Variants in SLC29A3 observed in about 807,000 individuals in gnomAD.
The protein encoded by SLC29A3 is equilibrative nucleoside transporter 3.
In SLC29A3, 18 loss-of-function variants were observed where a neutral mutation model predicts 25.4. The observed-to-expected ratio is 0.71, with a 90% CI of 0.49 to 1.05. The LOEUF is 1.05. Among genes scored for constraint, SLC29A3 ranks in the 50% least tolerant of loss-of-function variants. The pLI is 0.00. For missense variants in SLC29A3, 586 were observed against 609.0 expected (o/e 0.96, Z 0.40); for synonymous variants, 258 against 267.1 (o/e 0.97, Z 0.33).
At chr10:71,332,040 C>A (rs561765356) in intron 2 of SLC29A3, among the ~76,000 whole-genome samples, 1 of 152,034 alleles carries the variant, frequency 6.6e-6, no homozygotes, top group African/African-American at 2.4e-5. Flanking sequence ...CCTGCAGAAC[C>A]GTTTTAGTGC....
chr10:71,334,209 C>T (rs1262840741), intron 2 of SLC29A3, among the ~76,000 whole-genome samples: 2 of 152,204 alleles, frequency 1.3e-5, no homozygotes, highest in East Asian at 1.9e-4. Flanking sequence ...CCAGATGGTT[C>T]GTATTTTAGG....
At position 71,362,344 on chromosome 10, in the gene SLC29A3, C is replaced by T. The variant is rs1847084386; in HGVS notation, c.1164C>T (p.Cys388=). The part of the protein sequence containing the change: ...ALPGFVLLRT[C]LIPLFVLCNY... Reference sequence around the variant, plus strand: ...CAGGGTTCGTGCTCCTCCGGACCTGCCTCATCCCCCTCTTCGTGCTCTGTA... The same window carrying T: ...CAGGGTTCGTGCTCCTCCGGACCTGTCTCATCCCCCTCTTCGTGCTCTGTA... Residue 388 remains cysteine, a synonymous_variant, in exon 6 of 6, where the codon TGC becomes TGT. Transcript: ENST00000373189. 6.2e-7 allele frequency: 1 copy of T among 1,614,072 alleles called. No individual in the cohort carries two copies. Among genetic ancestry groups the T allele is most frequent in the South Asian group, 1.1e-5 (1 of 91,090 alleles).
At chr10:71,369,674 A>T (rs1335699186) in intron 3 of SLC29A3, among the ~76,000 whole-genome samples, 1 of 152,216 alleles carries the variant, frequency 6.6e-6, no homozygotes, top group East Asian at 1.9e-4. Context: ...CTGCAGCAGG[A>T]TGAGTGTGGT....
chr10:71,357,625 C>T (rs1846950022), intron 5 of SLC29A3, among the ~76,000 whole-genome samples: 1 of 152,190 alleles, frequency 6.6e-6, no homozygotes, highest in Non-Finnish European at 1.5e-5. Flanking sequence ...TTTAAGATGA[C>T]TCCAAACCTG....
chr10:71,345,073 G>T (rs1442233574), intron 3 of SLC29A3, among the ~76,000 whole-genome samples: 2 of 152,210 alleles, frequency 1.3e-5, no homozygotes, highest in East Asian at 1.9e-4. Flanking sequence ...TTCAGGGAGG[G>T]TGCTGGGATT....
In SLC29A3 at chr10:71,362,028, C is replaced by T; in HGVS notation, c.848C>T (p.Ala283Val). 1 of 1,614,164 alleles carries T rather than the reference C, an allele frequency of 6.2e-7. No homozygotes were observed. Among genetic ancestry groups the T allele is most frequent in the Non-Finnish European group, 8.5e-7 (1 of 1,180,020 alleles). ...EEELPQDSLS[A>V]PSVASRFIDS... Reference sequence around the variant, plus strand: ...GAGCTTCCCCAGGACTCCCTCAGTGCCCCTTCGGTGGCCTCCAGATTCATT... The same window carrying T: ...GAGCTTCCCCAGGACTCCCTCAGTGTCCCTTCGGTGGCCTCCAGATTCATT... The change falls in exon 6 of 6, where the codon GCC (alanine) becomes GTC (valine). Residue 283 changes from alanine (A) to valine (V), a missense_variant. Transcript: ENST00000373189.
chr10:71,330,907 A>T (rs1028709736), intron 2 of SLC29A3, among the ~76,000 whole-genome samples: 1 of 151,312 alleles, frequency 6.6e-6, no homozygotes, highest in African/African-American at 2.4e-5. Context: ...TATACCCATT[A>T]TACAGAGAAG....
intron 3 of SLC29A3, among the ~76,000 whole-genome samples, chr10:71,350,314 C>CATGTGT (rs1554816962): frequency 2.1e-5 from 3 of 142,472 alleles, no homozygotes; most frequent in Non-Finnish European, 4.6e-5. Flanking sequence ...TTCACACCTA[C>CATGTGT]GTGTGTGTGT....
intron 2 of SLC29A3, among the ~76,000 whole-genome samples, chr10:71,341,360 T>G (rs1846404886): frequency 6.6e-6 from 1 of 152,174 alleles, no homozygotes; most frequent in Non-Finnish European, 1.5e-5. Flanking sequence ...TAAGTCCGTT[T>G]CTTGAAATCA....
In SLC29A3 at chr10:71,324,399, G is replaced by A. The variant is rs542411165; in HGVS notation, c.300+1345G>A. 1.6e-4 allele frequency among the ~76,000 whole-genome samples: 25 copies of A among 152,296 alleles called. No homozygotes were observed. The South Asian group carries it at 5.2e-3, about 32-fold the overall frequency. Reference sequence around the variant, plus strand: ...TGTAAGACCGACTGAGTATGCTTGGGTTTTGGTATATGGGGGGATCCTGGA... The same window carrying A: ...TGTAAGACCGACTGAGTATGCTTGGATTTTGGTATATGGGGGGATCCTGGA... On this transcript the variant is annotated intron_variant, in intron 2 of 5. Coordinates refer to ENST00000373189, the MANE Select transcript of SLC29A3 (RefSeq NM_018344.6).
intron 2 of SLC29A3, among the ~76,000 whole-genome samples, chr10:71,333,570 C>T (rs1242917316): frequency 6.6e-6 from 1 of 152,266 alleles, no homozygotes; most frequent in East Asian, 1.9e-4. Context: ...CAGACCACCT[C>T]CTCATTACCA....
At chr10:71,363,617 C>T (rs1847126481), downstream of SLC29A3, among the ~76,000 whole-genome samples, 1 of 151,626 alleles carries the variant, frequency 6.6e-6, no homozygotes, top group African/African-American at 2.4e-5. Flanking sequence ...GTGCACACCA[C>T]CATGCCTCGC....
intron 3 of SLC29A3, among the ~76,000 whole-genome samples, chr10:71,368,481 G>C (rs868480107): frequency 9.2e-5 from 14 of 152,216 alleles, no homozygotes; most frequent in South Asian, 2.1e-4. Context: ...CCTAGAACCT[G>C]ACACTTGTTT....
At chr10:71,356,492 G>A (rs183788869) in intron 5 of SLC29A3, among the ~76,000 whole-genome samples, 3 of 152,222 alleles carry the variant, frequency 2.0e-5, no homozygotes, top group Admixed American at 1.3e-4. Flanking sequence ...TTATTCCAGC[G>A]CTGTGTTCCT....
At chr10:71,367,753 G>C (rs1847181381), downstream of SLC29A3, among the ~76,000 whole-genome samples, 1 of 152,204 alleles carries the variant, frequency 6.6e-6, no homozygotes, top group Non-Finnish European at 1.5e-5. Flanking sequence ...TGTGCTCTCT[G>C]CTAAGAACAG....
intron 3 of SLC29A3, among the ~76,000 whole-genome samples, chr10:71,349,313 C>G (rs1846682346): frequency 6.6e-6 from 1 of 152,132 alleles, no homozygotes; most frequent in Non-Finnish European, 1.5e-5. Flanking sequence ...TCTGCACCAC[C>G]CCTGGGCTCC....
chr10:71,362,828 A>G lies in SLC29A3; in HGVS notation c.*220A>G, dbSNP rs753584878. ...CATATTAACAGAACACTCCTGAGAC[A>G]GTTGAAGAAGAAATAGCACAAATCA... On this transcript the variant is annotated 3_prime_UTR_variant, in exon 6 of 6. Transcript: ENST00000373189. 15 of 700,162 alleles carry G rather than the reference A, an allele frequency of 2.1e-5. No homozygotes were observed. The highest frequency in any genetic ancestry group is 3.6e-5 in the Non-Finnish European group (14 of 387,764). The allele number at this position is 700,162 out of a possible 1,614,324, so 43.4% of individuals were successfully genotyped here. A position where few individuals can be genotyped will look rare whatever the true frequency, so the allele number is the denominator to read the frequency against.
rs759138748 is a variant in SLC29A3 at position 71,362,781 on chromosome 10, C to T, written c.*173C>T. 32 of 783,896 alleles carry T rather than the reference C, an allele frequency of 4.1e-5. No individual in the cohort carries two copies. The highest frequency in any genetic ancestry group is 8.0e-5 in the Admixed American group (4 of 50,154). 48.6% of individuals were successfully genotyped at this position (783,896 alleles called of 1,614,324 possible). On this transcript the variant is annotated 3_prime_UTR_variant, in exon 6 of 6. Transcript: ENST00000373189. ...CAGTGAGCCACGTCCATGCCCATTCCGTGCAAGGCAGATATTCCAGTCATA... is the reference window on the plus strand; with the variant it reads ...CAGTGAGCCACGTCCATGCCCATTCTGTGCAAGGCAGATATTCCAGTCATA...
rs117098733 is a variant in SLC29A3, at chr10:71,378,536, C to T, written c.*212-1230C>T. ...TCCTCATCCCTCAAGTGAGATCATG[C>T]TGAGACACTTTGTGGTTCTTAGGGT... On this transcript the variant is annotated intron_variant and NMD_transcript_variant, in intron 4 of 4. Transcript: ENST00000642772. Among the ~76,000 whole-genome samples the T allele has an allele frequency of 1.8e-4, 28 of 152,356 alleles. No individual in the cohort carries two copies. The East Asian group carries it at 4.8e-3, about 26-fold the overall frequency.
Sources: gnomAD v4.1 joint callset for allele counts (sites outside exome capture counted in the v4.1 genomes callset) on GRCh38, gnomAD v4.1.1 for gene constraint, MANE v1.5 for transcripts, NCBI Gene and HGNC (gene_info 2026-07-23, HGNC 2026-07-21) for gene names.